PRKCE: variants seen among roughly 807,000 people sequenced by gnomAD.
The protein encoded by PRKCE is protein kinase C epsilon.
PRKCE carries 16 observed loss-of-function variants against 85.4 expected under a neutral mutation model. That is an observed-to-expected ratio of 0.19 (90% CI 0.13 to 0.28). The LOEUF is 0.28. Among genes scored for constraint, PRKCE ranks in the 10% least tolerant of loss-of-function variants. The pLI, the probability that PRKCE is intolerant of heterozygous loss-of-function variation, is 1.00. For missense variants in PRKCE, 573 were observed against 975.2 expected (o/e 0.59, Z 5.49); for synonymous variants, 388 against 371.5 (o/e 1.04, Z -0.51).
At chr2:45,678,250 A>C (rs1462170769) in intron 1 of PRKCE, among the ~76,000 whole-genome samples, 5 of 152,224 alleles carry the variant, frequency 3.3e-5, no homozygotes, top group African/African-American at 1.2e-4. Context: ...CTGTTTTTAT[A>C]TAATGTAAAC....
intron 2 of PRKCE, among the ~76,000 whole-genome samples, chr2:45,920,446 C>T (rs1698166868): frequency 6.6e-6 from 1 of 152,204 alleles, no homozygotes; most frequent in African/African-American, 2.4e-5. Flanking sequence ...ACACAGAGAC[C>T]TGTGCATGCA....
At chr2:45,868,116 A>G (rs997287523) in intron 2 of PRKCE, among the ~76,000 whole-genome samples, 3 of 151,890 alleles carry the variant, frequency 2.0e-5, no homozygotes, top group African/African-American at 7.3e-5. Context: ...TCCTGGCTTC[A>G]TACTGAAATA....
chr2:45,932,536 C>A (rs1431458330), intron 2 of PRKCE, among the ~76,000 whole-genome samples: 1 of 152,192 alleles, frequency 6.6e-6, no homozygotes, highest in Non-Finnish European at 1.5e-5. Flanking sequence ...TCTGAGAGTT[C>A]CAGTTGCTTC....
chr2:46,097,935 T>A (rs1670864722), intron 11 of PRKCE, among the ~76,000 whole-genome samples: 1 of 152,218 alleles, frequency 6.6e-6, no homozygotes, highest in African/African-American at 2.4e-5. Flanking sequence ...CTGAGCTGGC[T>A]GGGATGAAAG....
At chr2:45,817,095 GTGTGTGTGTGT>G (rs1357812524) in intron 1 of PRKCE, among the ~76,000 whole-genome samples, 5 of 151,358 alleles carry the variant, frequency 3.3e-5, no homozygotes, top group African/African-American at 1.2e-4. Flanking sequence ...GTGTGTGTGT[GTGTGTGTGTGT>G]GTGTTGTGGG....
At chr2:45,806,657 C>T (rs1234460796) in intron 1 of PRKCE, among the ~76,000 whole-genome samples, 1 of 152,198 alleles carries the variant, frequency 6.6e-6, no homozygotes, top group African/African-American at 2.4e-5. Flanking sequence ...TACTGTAGGA[C>T]CTCGTGTAAG....
At chr2:45,684,067 T>C (rs576344985) in intron 1 of PRKCE, among the ~76,000 whole-genome samples, 68 of 152,244 alleles carry the variant, frequency 4.5e-4, no homozygotes, top group African/African-American at 1.6e-3. Flanking sequence ...GAGTGAGAAA[T>C]TATGCCAGAG....
intron 6 of PRKCE, among the ~76,000 whole-genome samples, chr2:45,990,804 G>T (rs1034930847): frequency 4.0e-5 from 6 of 151,592 alleles, no homozygotes; most frequent in African/African-American, 1.5e-4. Flanking sequence ...TGGGACTATA[G>T]GTGCATGCCA....
At chr2:46,020,702 C>T (rs1251443249) in intron 10 of PRKCE, among the ~76,000 whole-genome samples, 4 of 152,208 alleles carry the variant, frequency 2.6e-5, no homozygotes, top group Non-Finnish European at 5.9e-5. Flanking sequence ...TGGGATGTCA[C>T]ACTACTTCAT....
intron 1 of PRKCE, among the ~76,000 whole-genome samples, chr2:45,754,466 G>T (rs970905977): frequency 2.0e-4 from 30 of 152,190 alleles, no homozygotes; most frequent in Middle Eastern, 3.4e-3. Flanking sequence ...TTCTCCGTGG[G>T]GTTTCTTTCT....
intron 10 of PRKCE, among the ~76,000 whole-genome samples, chr2:46,020,954 C>T (rs1000521594): frequency 6.6e-6 from 1 of 152,194 alleles, no homozygotes; most frequent in African/African-American, 2.4e-5. Flanking sequence ...GTTGCCAGTT[C>T]TTTGGGCAGC....
chr2:45,685,470 TC>T (rs1677224809), intron 1 of PRKCE: 1 of 152,196 alleles, frequency 6.6e-6, no homozygotes, highest in African/African-American at 2.4e-5. Context: ...ATGATTACTA[TC>T]GTGCCAGGAG....
At chr2:45,707,152 C>T (rs770996198) in intron 1 of PRKCE, among the ~76,000 whole-genome samples, 14 of 152,160 alleles carry the variant, frequency 9.2e-5, no homozygotes, top group South Asian at 4.1e-4. Flanking sequence ...GGAAGTCCCT[C>T]GTGGATCGCA....
intron 13 of PRKCE, among the ~76,000 whole-genome samples, chr2:46,154,543 C>T (rs1275864449): frequency 6.7e-6 from 1 of 149,582 alleles, no homozygotes; most frequent in Non-Finnish European, 1.5e-5. Context: ...GCCTTGGAGC[C>T]TCCCAGCCAC....
At chr2:46,121,470 G>A (rs1416250735) in intron 11 of PRKCE, among the ~76,000 whole-genome samples, 1 of 152,186 alleles carries the variant, frequency 6.6e-6, no homozygotes, top group African/African-American at 2.4e-5. Flanking sequence ...GTCATTGCCT[G>A]TCTTTGACAT....
Position 45,895,020 on chromosome 2 carries a change from C to G in PRKCE, c.412+51957C>G, listed in dbSNP as rs532783143. 7.2e-5 allele frequency among the ~76,000 whole-genome samples: 11 copies of G among 152,152 alleles called. No individual in the cohort carries two copies. Among genetic ancestry groups the G allele is most frequent in the Non-Finnish European group, 1.5e-4 (10 of 68,018 alleles). ...TTACAGGCATCAGCCCCTGTGCCCCCGTTCGTTTGTTTTGAGTGAACACAT... is the reference window on the plus strand; with the variant it reads ...TTACAGGCATCAGCCCCTGTGCCCCGGTTCGTTTGTTTTGAGTGAACACAT... On this transcript the variant is annotated intron_variant, in intron 2 of 14. Coordinates refer to ENST00000306156, the MANE Select transcript of PRKCE (RefSeq NM_005400.3). The surrounding 1 kb of genome is among the most constrained non-coding windows in gnomAD (Gnocchi z 4.8).
chr2:45,771,739 G>A (rs1225282363), intron 1 of PRKCE, among the ~76,000 whole-genome samples: 1 of 151,526 alleles, frequency 6.6e-6, no homozygotes, highest in Admixed American at 6.6e-5. Context: ...GTGTGTGTGA[G>A]TGTGTGTTGG....
At chr2:45,935,715 G>C (rs564622960) in intron 2 of PRKCE, among the ~76,000 whole-genome samples, 1 of 150,962 alleles carries the variant, frequency 6.6e-6, no homozygotes, top group East Asian at 1.9e-4. Context: ...AACCCAGGAG[G>C]CAGAGGTTGC....
At chr2:45,785,770 G>C (rs186038174) in intron 1 of PRKCE, among the ~76,000 whole-genome samples, 104 of 152,246 alleles carry the variant, frequency 6.8e-4, no homozygotes, top group African/African-American at 2.5e-3. Flanking sequence ...CAGGGTTAGG[G>C]GATCTGTGGT....
Sources: allele counts gnomAD v4.1 joint callset (sites outside exome capture counted in the v4.1 genomes callset), GRCh38; gene constraint gnomAD v4.1.1; non-coding constraint Gnocchi (gnomAD v3.1); transcripts MANE v1.5; gene names NCBI Gene and HGNC (gene_info 2026-07-23, HGNC 2026-07-21).